Variants in ASTN2 observed in about 807,000 individuals in gnomAD.
ASTN2 encodes astrotactin-2.
In ASTN2, 54 loss-of-function variants were observed where a neutral mutation model predicts 139.8. The ratio of observed to expected loss-of-function variants is 0.39; its 90% CI spans 0.31 to 0.48. The LOEUF is 0.48. Ranked by LOEUF, ASTN2 falls within the 20% of genes least tolerant of loss-of-function variation. The pLI is 0.95. For synonymous variants in ASTN2, 756 were observed against 719.5 expected, an observed-to-expected ratio of 1.05 and a Z score of -0.81; for missense variants, 1,565 against 1,725.1, an observed-to-expected ratio of 0.91 and a Z score of 1.64.
At chr9:116,449,560 A>C (rs1233437271) in intron 20 of ASTN2, among the ~76,000 whole-genome samples, 2 of 152,206 alleles carry the variant, frequency 1.3e-5, no homozygotes, top group East Asian at 3.8e-4. Context: ...TAAATAATTC[A>C]TCTCTTCTAT....
At chr9:116,772,318 T>G (rs1219675526) in intron 13 of ASTN2, among the ~76,000 whole-genome samples, 7 of 152,086 alleles carry the variant, frequency 4.6e-5, no homozygotes, top group Non-Finnish European at 7.4e-5. Flanking sequence ...TCTCACGAGA[T>G]CTGATGGTTT....
chr9:117,043,186 A>G (rs1041603795), intron 5 of ASTN2, among the ~76,000 whole-genome samples: 3 of 152,074 alleles, frequency 2.0e-5, no homozygotes, highest in Non-Finnish European at 2.9e-5. Context: ...TGAGTTTTTT[A>G]TCTAGATTTT....
intron 1 of ASTN2, among the ~76,000 whole-genome samples, chr9:117,311,072 A>G (rs1168944300): frequency 6.6e-6 from 1 of 152,084 alleles, no homozygotes; most frequent in African/African-American, 2.4e-5. Context: ...CCACCTCCAA[A>G]AGAAATTACT....
At chr9:117,162,468 T>A (rs1298354846) in intron 3 of ASTN2, among the ~76,000 whole-genome samples, 1 of 151,966 alleles carries the variant, frequency 6.6e-6, no homozygotes, top group African/African-American at 2.4e-5. Flanking sequence ...CAGAGCATTC[T>A]CCAAGGCCCA....
intron 5 of ASTN2, 101 bp from the exon 6 acceptor site, chr9:117,040,066 G>T: frequency 7.7e-7 from 1 of 1,306,076 alleles, no homozygotes; most frequent in Non-Finnish European, 1.0e-6. Flanking sequence ...TTGGGAATCT[G>T]AAAAAAGAAA....
intron 19 of ASTN2, among the ~76,000 whole-genome samples, chr9:116,615,010 C>G (rs10817911): frequency 0.28 from 42,490 of 152,076 alleles, 6,906 homozygotes; most frequent in Admixed American, 0.42. Context: ...CTACAAAGAA[C>G]TTAAACAAAT....
At chr9:117,185,236 C>A (rs1389501863) in intron 3 of ASTN2, among the ~76,000 whole-genome samples, 1 of 152,114 alleles carries the variant, frequency 6.6e-6, no homozygotes, top group African/African-American at 2.4e-5. Flanking sequence ...GAAAAGAATC[C>A]TGTGGTGAAT....
intron 6 of ASTN2, among the ~76,000 whole-genome samples, chr9:117,033,859 G>T (rs913637679): frequency 6.6e-6 from 1 of 152,124 alleles, no homozygotes; most frequent in Admixed American, 6.6e-5. Context: ...TTTGCTATGA[G>T]AACTGAAGGA....
intron 1 of ASTN2, among the ~76,000 whole-genome samples, chr9:117,390,766 G>T (rs1048844122): frequency 1.3e-5 from 2 of 152,070 alleles, no homozygotes; most frequent in African/African-American, 4.8e-5. Flanking sequence ...CAGACATGTT[G>T]GTTTCCTCCA....
At chr9:117,149,456 C>T (rs4838245) in intron 3 of ASTN2, among the ~76,000 whole-genome samples, 1 of 152,164 alleles carries the variant, frequency 6.6e-6, no homozygotes, top group Non-Finnish European at 1.5e-5. Context: ...TGTATGTGTT[C>T]ATGTCTTCTT....
chr9:117,247,962 C>T (rs995582680), intron 2 of ASTN2, among the ~76,000 whole-genome samples: 1 of 152,138 alleles, frequency 6.6e-6, no homozygotes, highest in East Asian at 1.9e-4. Flanking sequence ...TACCTCTCAG[C>T]GACCCCTGCA....
intron 6 of ASTN2, among the ~76,000 whole-genome samples, chr9:117,027,535 C>T (rs1423666714): frequency 1.3e-5 from 2 of 152,236 alleles, no homozygotes; most frequent in South Asian, 4.1e-4. Context: ...GGAAGATTGC[C>T]CTTCTTGTCC....
At chr9:117,189,589 T>G (rs1831294299) in intron 3 of ASTN2, among the ~76,000 whole-genome samples, 1 of 152,176 alleles carries the variant, frequency 6.6e-6, no homozygotes. Context: ...CTGTGCTATT[T>G]TATATATATG....
At chr9:117,256,211 C>A (rs184937390) in intron 2 of ASTN2, among the ~76,000 whole-genome samples, 2 of 152,208 alleles carry the variant, frequency 1.3e-5, no homozygotes, top group East Asian at 3.9e-4. Flanking sequence ...CGCCTTATAC[C>A]CTGTGCTTCC....
chr9:117,080,133 C>A (rs1339263673), intron 5 of ASTN2, among the ~76,000 whole-genome samples: 1 of 152,190 alleles, frequency 6.6e-6, no homozygotes, highest in East Asian at 1.9e-4. Context: ...CTTTCAGGAA[C>A]AGGCAGAGTA....
At chr9:117,190,003 G>A (rs919765169) in intron 3 of ASTN2, among the ~76,000 whole-genome samples, 1 of 152,210 alleles carries the variant, frequency 6.6e-6, no homozygotes, top group Non-Finnish European at 1.5e-5. Context: ...CCACTGCTCA[G>A]ATCATAAGGG....
At chr9:116,760,698 T>G (rs746570369) in intron 13 of ASTN2, among the ~76,000 whole-genome samples, 1 of 152,022 alleles carries the variant, frequency 6.6e-6, no homozygotes, top group Non-Finnish European at 1.5e-5. Flanking sequence ...GAATCTGCAG[T>G]GTGGGAAATC....
chr9:116,509,195 T>A (rs1850251246), intron 19 of ASTN2, among the ~76,000 whole-genome samples: 1 of 152,140 alleles, frequency 6.6e-6, no homozygotes. Flanking sequence ...CGTGTGATGT[T>A]CCCCATCCTG....
chr9:116,784,590 G>A (rs1830312068), intron 13 of ASTN2, among the ~76,000 whole-genome samples: 1 of 152,064 alleles, frequency 6.6e-6, no homozygotes, highest in Non-Finnish European at 1.5e-5. Flanking sequence ...CCTCAGCCTA[G>A]CACTGTGATA....
Sources: allele counts gnomAD v4.1 joint callset (sites outside exome capture counted in the v4.1 genomes callset), GRCh38; gene constraint gnomAD v4.1.1; transcripts MANE v1.5; gene names NCBI Gene and HGNC (gene_info 2026-07-23, HGNC 2026-07-21).